GLCE: variants seen among roughly 807,000 people sequenced by gnomAD.
The protein encoded by GLCE is D-glucuronyl C5-epimerase.
In GLCE, 19 loss-of-function variants were observed where a neutral mutation model predicts 47.9. The ratio of observed to expected loss-of-function variants is 0.40; its 90% confidence interval spans 0.28 to 0.58. GLCE has a LOEUF of 0.58. Ranked by LOEUF, GLCE falls within the 20% of genes least tolerant of loss-of-function variation. The probability of loss-of-function intolerance (pLI) is 0.48; values close to 1 mark genes in which losing one functional copy is unlikely to be tolerated. For missense variants in GLCE, 556 were observed against 743.3 expected (o/e 0.75, Z 2.93); for synonymous variants, 245 against 263.4 (o/e 0.93, Z 0.68).
chr15:69,194,845 G>A (rs577556992), intron 1 of GLCE, among the ~76,000 whole-genome samples: 25 of 151,994 alleles, frequency 1.6e-4, no homozygotes, highest in Non-Finnish European at 3.2e-4. Flanking sequence ...CATCTGCAAA[G>A]CACTTTTATA....
chr15:69,258,950 A>G (rs191940208), intron 3 of GLCE, among the ~76,000 whole-genome samples: 21 of 152,286 alleles, frequency 1.4e-4, no homozygotes, highest in Admixed American at 1.2e-3. Flanking sequence ...ATTAACTGCC[A>G]TGTCAAATAA....
chr15:69,233,262 TA>T (rs1048258074), intron 2 of GLCE, among the ~76,000 whole-genome samples: 3 of 152,178 alleles, frequency 2.0e-5, no homozygotes, highest in Admixed American at 6.5e-5. Flanking sequence ...AAAGATTCCA[TA>T]AAGCCCCCAA....
At chr15:69,194,853 A>G (rs1226216912) in intron 1 of GLCE, among the ~76,000 whole-genome samples, 3 of 152,172 alleles carry the variant, frequency 2.0e-5, no homozygotes, top group Non-Finnish European at 4.4e-5. Flanking sequence ...AAGCACTTTT[A>G]TAATGGATTG....
chr15:69,222,110 G>A (rs2052385183), intron 2 of GLCE, among the ~76,000 whole-genome samples: 1 of 152,194 alleles, frequency 6.6e-6, no homozygotes. Flanking sequence ...ACGCTCATGG[G>A]CTGCATGCTC....
At chr15:69,236,327 G>T (rs1366468773) in intron 2 of GLCE, among the ~76,000 whole-genome samples, 1 of 152,142 alleles carries the variant, frequency 6.6e-6, no homozygotes, top group Non-Finnish European at 1.5e-5. Flanking sequence ...AGATTCCTTA[G>T]TTTTAGATAT....
chr15:69,216,955 C>T (rs777085610), intron 2 of GLCE, among the ~76,000 whole-genome samples: 5 of 152,050 alleles, frequency 3.3e-5, no homozygotes, highest in Non-Finnish European at 7.4e-5. Flanking sequence ...CTGAAAATAA[C>T]TTTAGTATTA....
chr15:69,212,741 T>G (rs2052250169), intron 2 of GLCE, among the ~76,000 whole-genome samples: 1 of 152,044 alleles, frequency 6.6e-6, no homozygotes, highest in South Asian at 2.1e-4. Context: ...TTTGCAATGT[T>G]GAATTTTTGA....
chr15:69,225,706 C>T (rs1429978444), intron 2 of GLCE, among the ~76,000 whole-genome samples: 1 of 152,170 alleles, frequency 6.6e-6, no homozygotes, highest in Non-Finnish European at 1.5e-5. Flanking sequence ...TATTTCCTAA[C>T]ATTTACTGAG....
chr15:69,271,162 C>T lies in GLCE; in HGVS notation c.*1918C>T, dbSNP rs1469152153. On this transcript the variant is annotated 3_prime_UTR_variant, in exon 5 of 5. Transcript: ENST00000261858. ...TTAACAATGTGGCTGTCCTTTTCCA[C>T]TGAAGAAGGAAAGACGTTTTGATCT... The T allele has an allele frequency of 6.6e-6, 1 of 152,652 alleles. No homozygotes were observed. The highest frequency in any genetic ancestry group is 1.5e-5 in the Non-Finnish European group (1 of 68,040). The allele number at this position is 152,652 out of a possible 1,614,324, so 9.5% of individuals were successfully genotyped here. A position where few individuals can be genotyped will look rare whatever the true frequency, so the allele number is the denominator to read the frequency against.
In GLCE at chr15:69,269,821, T is replaced by C. The variant is rs1209752780; in HGVS notation, c.*577T>C. ...TTTGTTGTATATGGTGAATATTTAA[T>C]TATGGTTTTCTTGAAACGTGTAAAT... On this transcript the variant is annotated 3_prime_UTR_variant, in exon 5 of 5. Transcript: ENST00000261858. The C allele has an allele frequency of 6.5e-6, 1 of 152,674 alleles. No individual in the cohort carries two copies. The highest frequency in any genetic ancestry group is 1.5e-5 in the Non-Finnish European group (1 of 68,062). 9.5% of individuals were successfully genotyped at this position (152,674 alleles called of 1,614,324 possible).
At chr15:69,166,033 C>G (rs1377698857) in intron 1 of GLCE, among the ~76,000 whole-genome samples, 1 of 152,196 alleles carries the variant, frequency 6.6e-6, no homozygotes, top group Non-Finnish European at 1.5e-5. Context: ...GAGGCAACTA[C>G]TAATCCTTAT....
intron 1 of GLCE, among the ~76,000 whole-genome samples, chr15:69,192,099 G>C (rs1282938420): frequency 2.0e-5 from 3 of 152,012 alleles, no homozygotes; most frequent in Non-Finnish European, 4.4e-5. Context: ...CTGTGGGTTT[G>C]TAGTTTTCAA....
At chr15:69,214,721 T>C (rs1316623951) in intron 2 of GLCE, among the ~76,000 whole-genome samples, 1 of 152,146 alleles carries the variant, frequency 6.6e-6, no homozygotes, top group African/African-American at 2.4e-5. Context: ...ACCACAGGGA[T>C]TATTCTAGCA....
intron 1 of GLCE, among the ~76,000 whole-genome samples, chr15:69,178,961 C>CT (rs1304307990): frequency 1.3e-5 from 2 of 152,086 alleles, no homozygotes; most frequent in African/African-American, 4.8e-5. Context: ...AAGCTAATCT[C>CT]TAAGACACAT....
At chr15:69,212,861 G>A (rs2140377682) in intron 2 of GLCE, among the ~76,000 whole-genome samples, 1 of 152,148 alleles carries the variant, frequency 6.6e-6, no homozygotes, top group South Asian at 2.1e-4. Flanking sequence ...TATCCTCATA[G>A]GAGACAGTGT....
At chr15:69,179,169 A>G (rs1172425700) in intron 1 of GLCE, among the ~76,000 whole-genome samples, 1 of 152,214 alleles carries the variant, frequency 6.6e-6, no homozygotes, top group Non-Finnish European at 1.5e-5. Context: ...GAGGGACTAA[A>G]AGAAGGGACC....
In GLCE at chr15:69,179,870, C is replaced by G. The variant is rs2051726732; in HGVS notation, c.-105+19113C>G. Among the ~76,000 whole-genome samples, 3 of 152,070 alleles carry G rather than the reference C, an allele frequency of 2.0e-5. No homozygotes were observed. In the South Asian group the frequency reaches 6.2e-4, roughly 32 times the overall value. On this transcript the variant is annotated intron_variant, in intron 1 of 4. Transcript: ENST00000261858. ...GGCGTGGTGGTGCATGCCTGTAGTC[C>G]CAGCTACTCAGGAGGCTGAGGCACA...
chr15:69,242,810 C>T (rs563251840), intron 2 of GLCE, among the ~76,000 whole-genome samples: 4 of 151,338 alleles, frequency 2.6e-5, no homozygotes, highest in South Asian at 2.1e-4. Flanking sequence ...TTTGGGAAGC[C>T]GAGGCAGGGG....
At chr15:69,230,454 G>A (rs1017457501) in intron 2 of GLCE, among the ~76,000 whole-genome samples, 1 of 152,074 alleles carries the variant, frequency 6.6e-6, no homozygotes, top group African/African-American at 2.4e-5. Flanking sequence ...AGAATTCAAA[G>A]GAGAAATAGA....
Sources: gnomAD v4.1 joint callset for allele counts (sites outside exome capture counted in the v4.1 genomes callset) on GRCh38, gnomAD v4.1.1 for gene constraint, MANE v1.5 for transcripts, NCBI Gene and HGNC (gene_info 2026-07-23, HGNC 2026-07-21) for gene names.